Variants in NOC2L observed in about 807,000 individuals in gnomAD.
The protein encoded by NOC2L is NOC2 like nucleolar associated transcriptional repressor.
NOC2L carries 101 observed loss-of-function variants against 94.2 expected under a neutral mutation model. The ratio of observed to expected loss-of-function variants is 1.07; its 90% CI spans 0.91 to 1.26. The LOEUF (loss-of-function observed/expected upper bound fraction) is 1.26, where lower values mean the gene tolerates loss of function less well. Among genes scored for constraint, NOC2L ranks in the 50% most tolerant of loss-of-function variants. The probability of loss-of-function intolerance (pLI) is 0.00; values close to 1 mark genes in which losing one functional copy is unlikely to be tolerated. For synonymous variants in NOC2L, 531 were observed against 413.4 expected (o/e 1.28, Z -3.45); for missense variants, 1,076 against 980.1 (o/e 1.10, Z -1.31).
Position 952,501 on chromosome 1 carries a change from G to C in NOC2L, c.1102C>G (p.Leu368Val), listed in dbSNP as rs758209867. Residue 368 changes from leucine (L) to valine (V), a missense_variant, in exon 10 of 19, where the codon CTG becomes GTG. Coordinates refer to ENST00000327044, the MANE Select transcript of NOC2L (RefSeq NM_015658.4). ...MQWTLTELLALEPGVAYQHAF... is the reference protein window; with the variant it reads ...MQWTLTELLAVEPGVAYQHAF... Reference sequence around the variant, plus strand: ...TGCTGGTAGGCCACACCCGGCTCCAGGGCCAGCAGCTCCGTCAAGGTCCAC... The same window carrying C: ...TGCTGGTAGGCCACACCCGGCTCCACGGCCAGCAGCTCCGTCAAGGTCCAC... 1.9e-6 allele frequency: 3 copies of C among 1,613,738 alleles called. No individual in the cohort carries two copies. The highest frequency in any genetic ancestry group is 1.1e-5 in the South Asian group (1 of 91,090).
intron 14 of NOC2L, among the ~76,000 whole-genome samples, chr1:947,816 A>C (rs1642158884): frequency 6.6e-6 from 1 of 152,228 alleles, no homozygotes; most frequent in Non-Finnish European, 1.5e-5. Flanking sequence ...TCAGCGTACC[A>C]GCCTGAGCCA....
intron 16 of NOC2L, 83 bp downstream of exon 16, chr1:946,090 C>T (rs756137318): frequency 1.8e-4 from 187 of 1,056,594 alleles, no homozygotes; most frequent in Admixed American, 5.9e-4. Context: ...TCCAAACCCT[C>T]GCCCTGGTCT....
chr1:954,089 A>G lies in NOC2L; in HGVS notation c.699-7T>C. On this transcript the variant is annotated splice_polypyrimidine_tract_variant and splice_region_variant and intron_variant, in intron 6 of 18. Coordinates refer to ENST00000327044, the MANE Select transcript of NOC2L (RefSeq NM_015658.4). ...GCTGGACGGCTGCAGCATCCTGCAG[A>G]GAGACCACCCACCCCTGGCTGGGAG... is the stretch of plus-strand genomic sequence containing the variant. The G allele has an allele frequency of 6.2e-7, 1 of 1,611,246 alleles. No individual in the cohort carries two copies. The highest frequency in any genetic ancestry group is 8.5e-7 in the Non-Finnish European group (1 of 1,178,680).
intron 16 of NOC2L, 41 bp downstream of exon 16, chr1:946,132 G>A (rs41285796): frequency 9.2e-6 from 13 of 1,411,070 alleles, no homozygotes; most frequent in East Asian, 2.3e-5. Context: ...TGAAACCCAG[G>A]AAGTCACAAC....
chr1:957,348 C>T (rs1330916616), intron 2 of NOC2L, 75 bp from the exon 3 acceptor site: 6 of 1,435,674 alleles, frequency 4.2e-6, no homozygotes, highest in Non-Finnish European at 5.7e-6. Context: ...CAGGGTCAGT[C>T]TACTCCCTTC....
intron 12 of NOC2L, among the ~76,000 whole-genome samples, chr1:950,300 T>C (rs1204132715): frequency 1.3e-5 from 2 of 148,678 alleles, no homozygotes; most frequent in Admixed American, 6.7e-5. Context: ...TGCACACAGG[T>C]ACATAGATGC....
chr1:944,546 T>C lies in NOC2L; in HGVS notation c.*148A>G. The stretch of plus-strand genomic sequence containing the variant: ...CCCAGCTCTCGATACGTTTGGTCTT[T>C]CATGCTGAAAAATAAATAATAAAGC... On this transcript the variant is annotated 3_prime_UTR_variant, in exon 19 of 19. Transcript: ENST00000327044. The C allele has an allele frequency of 1.6e-6, 1 of 630,012 alleles. No homozygotes were observed. The highest frequency in any genetic ancestry group is 2.7e-6 in the Non-Finnish European group (1 of 372,114). The allele number at this position is 630,012 out of a possible 1,614,324, so 39.0% of individuals were successfully genotyped here.
intron 13 of NOC2L, 121 bp from the exon 14 acceptor site, chr1:948,353 C>A: frequency 1.9e-6 from 2 of 1,054,756 alleles, no homozygotes; most frequent in Non-Finnish European, 2.8e-6. Flanking sequence ...AAGGAAGGGG[C>A]TCCTGGGCCC....
At chr1:944,895 AATTT>A in intron 18 of NOC2L, 95 bp from the exon 19 acceptor site, 1 of 1,351,826 alleles carries the variant, frequency 7.4e-7, no homozygotes, top group Non-Finnish European at 1.0e-6. Context: ...GGCACTAATT[AATTT>A]ATCCCTGTTG....
rs77608078 is a variant in NOC2L at position 955,897 on chromosome 1, C to T, written c.698+26G>A. The T allele has an allele frequency of 3.7e-4, 541 of 1,450,464 alleles. 11 individuals carry two copies. The East Asian group carries it at 4.8e-3, about 13-fold the overall frequency. 89.8% of individuals were successfully genotyped at this position (1,450,464 alleles called of 1,614,324 possible). A position where few individuals can be genotyped will look rare whatever the true frequency, so the allele number is the denominator to read the frequency against. ...TGGTCCCGACCCACCTTCCACCCTA[C>T]CCCCCTTCACCCCCTCCCCTCTTAC... On this transcript the variant is annotated intron_variant, in intron 6 of 18. Coordinates refer to ENST00000327044, the MANE Select transcript of NOC2L (RefSeq NM_015658.4).
Position 952,514 on chromosome 1 carries a change from C to G in NOC2L, c.1089G>C (p.Thr363=). The G allele has an allele frequency of 1.2e-6, 2 of 1,613,904 alleles. No homozygotes were observed. Among genetic ancestry groups the G allele is most frequent in the East Asian group, 2.2e-5 (1 of 44,894 alleles). ...CACCCGGCTCCAGGGCCAGCAGCTC[C>G]GTCAAGGTCCACTGCATGAAACTGA... The part of the protein sequence containing the change: ...PFISFMQWTL[T]ELLALEPGVA... Residue 363 remains threonine (T), a synonymous_variant, in exon 10 of 19, where the codon ACG becomes ACC. Transcript: ENST00000327044.
rs1642026182 is a variant in NOC2L, at chr1:944,458, CGCGGAGCTGACTTCAGCAGCCCA to C, written c.*213_*235del. 1.2e-6 allele frequency: 1 copy of C among 828,758 alleles called. No individual in the cohort carries two copies. The highest frequency in any genetic ancestry group is 1.8e-6 in the Non-Finnish European group (1 of 570,550). 51.3% of individuals were successfully genotyped at this position (828,758 alleles called of 1,614,324 possible). Reference sequence around the variant, plus strand: ...CTGCTGACGTCAGGGTCAGCTCCCCCGCGGAGCTGACTTCAGCAGCCCACAGCTGTGGGGCTTCAGCAGCCACA... The same window carrying C: ...CTGCTGACGTCAGGGTCAGCTCCCCCCAGCTGTGGGGCTTCAGCAGCCACA... On this transcript the variant is annotated 3_prime_UTR_variant, in exon 19 of 19. Coordinates refer to ENST00000327044, the MANE Select transcript of NOC2L (RefSeq NM_015658.4).
rs747090165 is a variant in NOC2L, at chr1:954,145, C to T, written c.699-63G>A. The T allele has an allele frequency of 2.0e-6, 3 of 1,514,002 alleles. No individual in the cohort carries two copies. The East Asian group carries it at 6.8e-5, about 34-fold the overall frequency. 93.8% of individuals were successfully genotyped at this position (1,514,002 alleles called of 1,614,324 possible). On this transcript the variant is annotated intron_variant, in intron 6 of 18. Coordinates refer to ENST00000327044, the MANE Select transcript of NOC2L (RefSeq NM_015658.4). ...ACGGCTCGGACGCGAGGCTGCTCAG[C>T]ATGTTGGCGCGTGCCCTGGCCAGCA...
In NOC2L at chr1:959,008, T is replaced by G. The variant is rs1642502000; in HGVS notation, c.100A>C (p.Asn34His). The G allele has an allele frequency of 6.2e-7, 1 of 1,612,572 alleles. No individual in the cohort carries two copies. The highest frequency in any genetic ancestry group is 8.5e-7 in the Non-Finnish European group (1 of 1,179,848). The change falls in exon 2 of 19, where the codon AAT becomes CAT. Residue 34 changes from asparagine to histidine, a missense_variant. Coordinates refer to ENST00000327044, the MANE Select transcript of NOC2L (RefSeq NM_015658.4). Reference protein sequence around the residue: ...FDSESESESENSPQAETREAR... With the variant: ...FDSESESESEHSPQAETREAR... The stretch of plus-strand genomic sequence containing the variant: ...TCCCGTGTCTCCGCTTGTGGAGAAT[T>G]TTCGGACTCGGATTCGGACTCGGAG...
chr1:959,097 G>A lies in NOC2L; in HGVS notation c.27-16C>T, dbSNP rs1241824495. ...CGCCAGGCGCCTGCGGGTCACGCAG[G>A]AGTCACAGCTGCCCGCACGCCCAGC... On this transcript the variant is annotated splice_polypyrimidine_tract_variant and intron_variant, in intron 1 of 18. Coordinates refer to ENST00000327044, the MANE Select transcript of NOC2L (RefSeq NM_015658.4). The A allele has an allele frequency of 2.5e-6, 4 of 1,609,074 alleles. No individual in the cohort carries two copies. Among genetic ancestry groups the A allele is most frequent in the Non-Finnish European group, 3.4e-6 (4 of 1,177,248 alleles).
intron 14 of NOC2L, 57 bp from the exon 15 acceptor site, chr1:946,602 G>GC (rs886652308): frequency 6.3e-7 from 1 of 1,582,838 alleles, no homozygotes; most frequent in East Asian, 2.3e-5. Flanking sequence ...TGCACAGCTG[G>GC]CCCAGGTCCT....
intron 10 of NOC2L, 45 bp downstream of exon 10, chr1:952,367 C>T (rs1569946249): frequency 6.2e-7 from 1 of 1,601,914 alleles, no homozygotes; most frequent in African/African-American, 1.3e-5. Context: ...CCTGGGCTGC[C>T]CCACCCCATG....
At chr1:948,095 G>T in intron 14 of NOC2L, 36 bp downstream of exon 14, 1 of 1,505,536 alleles carries the variant, frequency 6.6e-7, no homozygotes, top group Non-Finnish European at 9.0e-7. Flanking sequence ...AAGACAGTCT[G>T]AGTCGGCCAC....
rs1642017140 is a variant in NOC2L, at chr1:944,313, A to G, written c.*381T>C. 22 of 1,390,342 alleles carry G rather than the reference A, an allele frequency of 1.6e-5. No homozygotes were observed. Among genetic ancestry groups the G allele is most frequent in the Non-Finnish European group, 2.0e-5 (22 of 1,078,624 alleles). 86.1% of individuals were successfully genotyped at this position (1,390,342 alleles called of 1,614,324 possible). ...AAAGGAAAGGAACAAATTTTCAAAG[A>G]CTTGGGGGAGTGAAGGCAGAGCCTG... On this transcript the variant is annotated 3_prime_UTR_variant, in exon 19 of 19. Coordinates refer to ENST00000327044, the MANE Select transcript of NOC2L (RefSeq NM_015658.4).
Sources: gnomAD v4.1 joint callset for allele counts (sites outside exome capture counted in the v4.1 genomes callset) on GRCh38, gnomAD v4.1.1 for gene constraint, MANE v1.5 for transcripts, NCBI Gene and HGNC (gene_info 2026-07-23, HGNC 2026-07-21) for gene names.